TMEM150C: variants seen among roughly 807,000 people sequenced by gnomAD.
TMEM150C encodes transmembrane protein 150C.
TMEM150C carries 10 observed loss-of-function variants against 29.9 expected under a neutral mutation model. That is an observed-to-expected ratio of 0.33 (90% CI 0.21 to 0.57). The LOEUF (loss-of-function observed/expected upper bound fraction) is 0.57, where lower values mean the gene tolerates loss of function less well. Among genes scored for constraint, TMEM150C ranks in the 20% least tolerant of loss-of-function variants. The pLI is 0.88. For synonymous variants in TMEM150C, 101 were observed against 112.5 expected (o/e 0.90, Z 0.64); for missense variants, 251 against 303.6 (o/e 0.83, Z 1.29).
chr4:82,536,063 A>C (rs1189895795), intron 1 of TMEM150C, among the ~76,000 whole-genome samples: 1 of 152,136 alleles, frequency 6.6e-6, no homozygotes, highest in Non-Finnish European at 1.5e-5. Context: ...TCAGTGAGGA[A>C]TATAACAATT....
chr4:82,503,247 C>A (rs1723794142), intron 2 of TMEM150C, 135 bp from the exon 3 acceptor site: 2 of 667,226 alleles, frequency 3.0e-6, no homozygotes, highest in Admixed American at 3.0e-5. Context: ...CAATTCTTTA[C>A]CCATAGATCA....
chr4:82,526,148 TC>T (rs1404185178), intron 1 of TMEM150C, among the ~76,000 whole-genome samples: 2 of 152,140 alleles, frequency 1.3e-5, no homozygotes, highest in Non-Finnish European at 2.9e-5. Context: ...CAAGCAATCC[TC>T]CCACCTTGGC....
intron 1 of TMEM150C, among the ~76,000 whole-genome samples, chr4:82,547,673 G>A (rs961434994): frequency 7.9e-5 from 12 of 152,100 alleles, no homozygotes; most frequent in African/African-American, 2.9e-4. Context: ...CCACCAGTCA[G>A]AATGGCTATT....
At chr4:82,556,279 C>T (rs1179768405) in intron 1 of TMEM150C, among the ~76,000 whole-genome samples, 1 of 152,164 alleles carries the variant, frequency 6.6e-6, no homozygotes, top group Non-Finnish European at 1.5e-5. Flanking sequence ...TGCCCAGACT[C>T]TCTAGTGCTC....
chr4:82,562,242 T>A, upstream of TMEM150C: 1 of 1,283,278 alleles, frequency 7.8e-7, no homozygotes, highest in South Asian at 1.2e-5. Context: ...GCGCTCCTCA[T>A]CCAACAAAAG....
chr4:82,502,924 T>C lies in TMEM150C; in HGVS notation c.138A>G (p.Lys46=). 1 of 1,592,754 alleles carries C rather than the reference T, an allele frequency of 6.3e-7. No homozygotes were observed. The highest frequency in any genetic ancestry group is 1.8e-5 in the Admixed American group (1 of 56,572). ...KILPLNSAER[K]PGVKHAPYIS... Reference sequence around the variant, plus strand: ...TATATGGTGCATGCTTCACACCAGGTTTCCTGGATAATAAAAAAAAAAAAC... The same window carrying C: ...TATATGGTGCATGCTTCACACCAGGCTTCCTGGATAATAAAAAAAAAAAAC... Residue 46 remains lysine, a synonymous_variant, in exon 4 of 8, where the codon AAA becomes AAG. Coordinates refer to ENST00000449862, the MANE Select transcript of TMEM150C (RefSeq NM_001080506.3).
At chr4:82,512,628 T>C (rs1724164189) in intron 1 of TMEM150C, among the ~76,000 whole-genome samples, 1 of 152,228 alleles carries the variant, frequency 6.6e-6, no homozygotes, top group African/African-American at 2.4e-5. Context: ...AGGAGTATAC[T>C]ATTTAGCAGC....
chr4:82,519,368 G>C (rs1178968243), intron 1 of TMEM150C, among the ~76,000 whole-genome samples: 6 of 151,958 alleles, frequency 3.9e-5, no homozygotes, highest in Non-Finnish European at 8.8e-5. Flanking sequence ...TGAAATCTCA[G>C]ATAGTAACAA....
rs186348206 is a variant in TMEM150C at position 82,515,652 on chromosome 4, G to A, written c.-10-10985C>T. Among the ~76,000 whole-genome samples, 4 of 151,714 alleles carry A rather than the reference G, an allele frequency of 2.6e-5. No homozygotes were observed. The East Asian group carries it at 5.8e-4, about 22-fold the overall frequency. On this transcript the variant is annotated intron_variant, in intron 1 of 7. Coordinates refer to ENST00000449862, the MANE Select transcript of TMEM150C (RefSeq NM_001080506.3). ...CTTGGGAGGCTGAGGCAGGAGAATC[G>A]CTTGAACCCAGGAGGCAGAGGTTGC... is the stretch of plus-strand genomic sequence containing the variant.
At chr4:82,525,680 G>T (rs964452136) in intron 1 of TMEM150C, among the ~76,000 whole-genome samples, 1 of 152,130 alleles carries the variant, frequency 6.6e-6, no homozygotes, top group African/African-American at 2.4e-5. Flanking sequence ...GGCTGTGGAT[G>T]GACATTAGTC....
chr4:82,544,980 TG>T (rs2110089452), intron 1 of TMEM150C, among the ~76,000 whole-genome samples: 1 of 152,258 alleles, frequency 6.6e-6, no homozygotes, highest in South Asian at 2.1e-4. Context: ...AAGGAAGAGC[TG>T]GTACCAATTC....
In TMEM150C at chr4:82,483,822, G is replaced by C. The variant is rs1418448590; in HGVS notation, c.*1689C>G. On this transcript the variant is annotated 3_prime_UTR_variant, in exon 8 of 8. Transcript: ENST00000449862. ...TTTTTTTTTTGAGATGGAGTTTTTAGCTCTTTTTGCCCAGGCTGGAGTGCA... is the reference window on the plus strand; with the variant it reads ...TTTTTTTTTTGAGATGGAGTTTTTACCTCTTTTTGCCCAGGCTGGAGTGCA... 7.1e-6 allele frequency: 1 copy of C among 141,656 alleles called. No individual in the cohort carries two copies. The highest frequency in any genetic ancestry group is 1.5e-5 in the Non-Finnish European group (1 of 66,234). 8.8% of individuals were successfully genotyped at this position (141,656 alleles called of 1,614,324 possible). A position where few individuals can be genotyped will look rare whatever the true frequency, so the allele number is the denominator to read the frequency against.
intron 1 of TMEM150C, among the ~76,000 whole-genome samples, chr4:82,561,578 G>A (rs1725930812): frequency 6.6e-6 from 1 of 150,384 alleles, no homozygotes; most frequent in South Asian, 2.1e-4. Context: ...GGCCGCAGCG[G>A]GCGGGCTGGC....
chr4:82,485,175 G>A lies in TMEM150C; in HGVS notation c.*336C>T, dbSNP rs1204117754. 1 of 233,174 alleles carries A rather than the reference G, an allele frequency of 4.3e-6. No individual in the cohort carries two copies. Among genetic ancestry groups the A allele is most frequent in the African/African-American group, 2.3e-5 (1 of 43,998 alleles). The allele number at this position is 233,174 out of a possible 1,614,324, so 14.4% of individuals were successfully genotyped here. ...TGGCATTACTCCCAAGGAACATTTGGCCTGCCCTACTCGGTAGGGTGCTTG... is the reference window on the plus strand; with the variant it reads ...TGGCATTACTCCCAAGGAACATTTGACCTGCCCTACTCGGTAGGGTGCTTG... On this transcript the variant is annotated 3_prime_UTR_variant, in exon 8 of 8. Transcript: ENST00000449862.
chr4:82,483,523 C>T lies in TMEM150C; in HGVS notation c.*1988G>A, dbSNP rs1372487230. On this transcript the variant is annotated 3_prime_UTR_variant, in exon 8 of 8. Transcript: ENST00000449862. ...TTACTTACAGGGATTCTCACTCCCC[C>T]ATCTGATCCCTATTCATAACTTCTT... 1 of 152,182 alleles carries T rather than the reference C, an allele frequency of 6.6e-6. No homozygotes were observed. Among genetic ancestry groups the T allele is most frequent in the Admixed American group, 6.5e-5 (1 of 15,272 alleles). 9.4% of individuals were successfully genotyped at this position (152,182 alleles called of 1,614,324 possible). A position where few individuals can be genotyped will look rare whatever the true frequency, so the allele number is the denominator to read the frequency against.
At chr4:82,487,908 G>T (rs1723213325) in intron 7 of TMEM150C, among the ~76,000 whole-genome samples, 1 of 151,460 alleles carries the variant, frequency 6.6e-6, no homozygotes, top group Non-Finnish European at 1.5e-5. Flanking sequence ...TTTCTTTCTA[G>T]CTATTTTGAA....
At chr4:82,528,604 C>A (rs1432663193) in intron 1 of TMEM150C, among the ~76,000 whole-genome samples, 1 of 147,012 alleles carries the variant, frequency 6.8e-6, no homozygotes, top group Non-Finnish European at 1.5e-5. Flanking sequence ...TTTCCTCGTC[C>A]CTTTTTTTTT....
intron 1 of TMEM150C, among the ~76,000 whole-genome samples, chr4:82,518,157 A>ACTCCATCT (rs1724355132): frequency 1.3e-5 from 2 of 151,986 alleles, no homozygotes; most frequent in South Asian, 4.2e-4. Context: ...CTCTACTAAA[A>ACTCCATCT]CTACAAAAAT....
At chr4:82,562,042 C>A, upstream of TMEM150C, 1 of 1,157,712 alleles carries the variant, frequency 8.6e-7, no homozygotes, top group Non-Finnish European at 1.1e-6. Context: ...GCCCGGCCCC[C>A]TCCTGCCGCG....
Sources: gnomAD v4.1 joint callset for allele counts (sites outside exome capture counted in the v4.1 genomes callset) on GRCh38, gnomAD v4.1.1 for gene constraint, MANE v1.5 for transcripts, NCBI Gene and HGNC (gene_info 2026-07-23, HGNC 2026-07-21) for gene names.